PPP2R2B: variants seen among roughly 807,000 people sequenced by gnomAD.
The protein encoded by PPP2R2B is serine/threonine-protein phosphatase 2A 55 kDa regulatory subunit B beta isoform.
In PPP2R2B, 5 loss-of-function variants were observed where a neutral mutation model predicts 46.0. The observed-to-expected ratio is 0.11, with a 90% CI of 0.06 to 0.23. The LOEUF is 0.23. Ranked by LOEUF, PPP2R2B falls within the 10% of genes least tolerant of loss-of-function variation. PPP2R2B has a pLI of 1.00. For missense variants in PPP2R2B, 367 were observed against 575.0 expected (o/e 0.64, Z 3.70); for synonymous variants, 215 against 206.7 (o/e 1.04, Z -0.34).
At chr5:146,781,661 C>A (rs1344125812) in intron 2 of PPP2R2B, among the ~76,000 whole-genome samples, 1 of 151,340 alleles carries the variant, frequency 6.6e-6, no homozygotes. Flanking sequence ...ATTGCTTAAT[C>A]AATACCAGTT....
chr5:146,690,147 G>T (rs113413992), intron 5 of PPP2R2B, among the ~76,000 whole-genome samples: 1 of 152,152 alleles, frequency 6.6e-6, no homozygotes, highest in African/African-American at 2.4e-5. Context: ...CAGAGCTGCT[G>T]GTGTCTGAAA....
chr5:147,005,018 A>G (rs1754370679), intron 1 of PPP2R2B, among the ~76,000 whole-genome samples: 1 of 152,142 alleles, frequency 6.6e-6, no homozygotes, highest in Non-Finnish European at 1.5e-5. Flanking sequence ...TGTCAAAGGA[A>G]GTTTATGGCT....
At position 146,769,256 on chromosome 5, in the gene PPP2R2B, C is replaced by T. The variant is rs558450440; in HGVS notation, c.71-68114G>A. Among the ~76,000 whole-genome samples, 6 of 152,248 alleles carry T rather than the reference C, an allele frequency of 3.9e-5. No homozygotes were observed. The South Asian group carries it at 1.2e-3, about 32-fold the overall frequency. ...TAGTTTTCAAAATGTGGTCCTGAAA[C>T]CAACAGCATCAGGAACATCTGGGAA... On this transcript the variant is annotated intron_variant, in intron 2 of 9. Coordinates refer to ENST00000394411, the MANE Select transcript of PPP2R2B (RefSeq NM_181675.4).
At chr5:146,987,504 T>C (rs188415341) in intron 1 of PPP2R2B, among the ~76,000 whole-genome samples, 2 of 151,288 alleles carry the variant, frequency 1.3e-5, no homozygotes, top group Admixed American at 6.6e-5. Flanking sequence ...AGTTAAAGAG[T>C]TTTATTTTTT....
chr5:146,717,710 G>C (rs1273834684), intron 2 of PPP2R2B, among the ~76,000 whole-genome samples: 2 of 151,962 alleles, frequency 1.3e-5, no homozygotes, highest in African/African-American at 4.8e-5. Flanking sequence ...CTTTGTGAAC[G>C]GGCCCTTTCC....
At chr5:146,777,834 G>A (rs1320596386) in intron 2 of PPP2R2B, among the ~76,000 whole-genome samples, 1 of 152,138 alleles carries the variant, frequency 6.6e-6, no homozygotes, top group East Asian at 1.9e-4. Flanking sequence ...TGGTTAAATT[G>A]TTTGTATCAG....
intron 1 of PPP2R2B, among the ~76,000 whole-genome samples, chr5:147,002,705 G>A (rs186955036): frequency 6.1e-4 from 93 of 152,140 alleles, no homozygotes; most frequent in African/African-American, 1.7e-3. Flanking sequence ...GTCGGTGGGC[G>A]CAACTCTTCT....
chr5:146,594,319 CGTT>C (rs1561751605), intron 8 of PPP2R2B, among the ~76,000 whole-genome samples: 1 of 152,174 alleles, frequency 6.6e-6, no homozygotes, highest in Non-Finnish European at 1.5e-5. Context: ...GGACACTTGA[CGTT>C]GTTGGACATG....
intron 2 of PPP2R2B, among the ~76,000 whole-genome samples, chr5:146,766,446 G>A (rs146142073): frequency 1.3e-5 from 2 of 152,304 alleles, no homozygotes; most frequent in African/African-American, 4.8e-5. Context: ...TGAGTGGGGA[G>A]TGGGAAAAGG....
At chr5:146,719,476 A>G (rs995880054) in intron 2 of PPP2R2B, among the ~76,000 whole-genome samples, 1 of 152,244 alleles carries the variant, frequency 6.6e-6, no homozygotes. Context: ...TATCTGTAAA[A>G]TAAGAATAAT....
At chr5:146,987,085 A>G (rs1366380716) in intron 1 of PPP2R2B, among the ~76,000 whole-genome samples, 2 of 152,192 alleles carry the variant, frequency 1.3e-5, no homozygotes, top group Non-Finnish European at 2.9e-5. Flanking sequence ...CTTATAGTCC[A>G]GAAGGGAGTG....
In PPP2R2B at chr5:146,878,727, A is replaced by AGCTACTGCTGCT. The variant is rs1554150389; in HGVS notation, c.-262_-261insAGCAGCAGTAGC. ...CTCACACCCACACGCGCGCACTCGC[A>AGCTACTGCTGCT]GCTGCTGCTGCTGCTGCTGCTGCTG... On this transcript the variant is annotated 5_prime_UTR_variant, in exon 1 of 10. Transcript: ENST00000394411. This position sits in a 1 kb window ranked among gnomAD's most constrained non-coding sequence, Gnocchi z 4.5. The AGCTACTGCTGCT allele has an allele frequency of 8.5e-7, 1 of 1,175,878 alleles. No individual in the cohort carries two copies. Among genetic ancestry groups the AGCTACTGCTGCT allele is most frequent in the African/African-American group, 1.6e-5 (1 of 61,494 alleles). 72.8% of individuals were successfully genotyped at this position (1,175,878 alleles called of 1,614,324 possible). A position where few individuals can be genotyped will look rare whatever the true frequency, so the allele number is the denominator to read the frequency against.
Position 146,997,781 on chromosome 5 carries a change from A to G in PPP2R2B, c.79+57884T>C, listed in dbSNP as rs1753988496. 2.0e-5 allele frequency among the ~76,000 whole-genome samples: 3 copies of G among 152,224 alleles called. No homozygotes were observed. In the South Asian group the frequency reaches 6.2e-4, roughly 32 times the overall value. On this transcript the variant is annotated intron_variant, in intron 1 of 8. Transcript: ENST00000336640. ...AGATATTTCCACAAAACCTAGCAAC[A>G]TCTCTATAGACAAAGGAGGAAAGAA...
chr5:146,909,225 C>A (rs1763101415), intron 1 of PPP2R2B, among the ~76,000 whole-genome samples: 1 of 152,176 alleles, frequency 6.6e-6, no homozygotes, highest in African/African-American at 2.4e-5. Flanking sequence ...GCTCATCCAT[C>A]CTCCTAGACC....
chr5:146,626,819 G>A (rs911612218), intron 7 of PPP2R2B, among the ~76,000 whole-genome samples: 2 of 152,216 alleles, frequency 1.3e-5, no homozygotes, highest in Non-Finnish European at 2.9e-5. Flanking sequence ...GAGAGGGCAA[G>A]ACCTGGGAAG....
At chr5:146,638,227 C>A (rs564702168) in intron 7 of PPP2R2B, 24 bp downstream of exon 7, 2 of 1,606,496 alleles carry the variant, frequency 1.2e-6, no homozygotes, top group East Asian at 4.5e-5. Context: ...CCATGCCCCC[C>A]ACCTCCCTTC....
Position 146,822,369 on chromosome 5 carries a change from G to T in PPP2R2B, c.70+55633C>A, listed in dbSNP as rs535788180. 6.4e-4 allele frequency among the ~76,000 whole-genome samples: 97 copies of T among 152,092 alleles called. 1 individual carries two copies. Among genetic ancestry groups the T allele is most frequent in the African/African-American group, 2.3e-3 (97 of 41,482 alleles). On this transcript the variant is annotated intron_variant, in intron 2 of 9. Transcript: ENST00000394411. Reference sequence around the variant, plus strand: ...GGCCTCCAAGCCTCCATATGGTCTGGATCCTGCCTAACTCTCATACCACTG... The same window carrying T: ...GGCCTCCAAGCCTCCATATGGTCTGTATCCTGCCTAACTCTCATACCACTG...
intron 2 of PPP2R2B, among the ~76,000 whole-genome samples, chr5:146,737,040 C>CA (rs1752576446): frequency 6.6e-6 from 1 of 152,094 alleles, no homozygotes; most frequent in Non-Finnish European, 1.5e-5. Context: ...GTAATGAATA[C>CA]AAAATATTAC....
At chr5:146,606,352 A>ACT (rs1206868339) in intron 7 of PPP2R2B, among the ~76,000 whole-genome samples, 2 of 152,116 alleles carry the variant, frequency 1.3e-5, no homozygotes, top group African/African-American at 4.8e-5. Flanking sequence ...AGGCCTGTTC[A>ACT]CTCTGTCTTA....
Sources: allele counts gnomAD v4.1 joint callset (sites outside exome capture counted in the v4.1 genomes callset), GRCh38; gene constraint gnomAD v4.1.1; non-coding constraint Gnocchi (gnomAD v3.1); transcripts MANE v1.5; gene names NCBI Gene and HGNC (gene_info 2026-07-23, HGNC 2026-07-21).